NEK11: variants seen among roughly 807,000 people sequenced by gnomAD.
NEK11 encodes serine/threonine-protein kinase Nek11.
A neutral mutation model predicts 80.7 loss-of-function variants in NEK11; 72 were observed. The ratio of observed to expected loss-of-function variants is 0.89; its 90% CI spans 0.74 to 1.08. NEK11 has a LOEUF of 1.08. NEK11 is among the 50% of genes least tolerant of loss of function. The probability of loss-of-function intolerance (pLI) is 0.00; values close to 1 mark genes in which losing one functional copy is unlikely to be tolerated. For missense variants in NEK11, 764 were observed against 763.6 expected (o/e 1.00, Z -0.01); for synonymous variants, 251 against 260.7 (o/e 0.96, Z 0.36).
chr3:131,246,392 A>C (rs768281620), intron 16 of NEK11, among the ~76,000 whole-genome samples: 1 of 152,146 alleles, frequency 6.6e-6, no homozygotes, highest in Non-Finnish European at 1.5e-5. Flanking sequence ...TTACAATAAC[A>C]GTCTCCATTT....
intron 14 of NEK11, among the ~76,000 whole-genome samples, chr3:131,204,915 A>G (rs1254149491): frequency 6.6e-6 from 1 of 152,114 alleles, no homozygotes; most frequent in Non-Finnish European, 1.5e-5. Context: ...GAACCTTGTG[A>G]CTTCAAGATT....
intron 16 of NEK11, among the ~76,000 whole-genome samples, chr3:131,266,346 A>G (rs2217244): frequency 0.14 from 20,860 of 152,024 alleles, 2,168 homozygotes; most frequent in East Asian, 0.3. Context: ...TGGGCATTTC[A>G]TGCTATAAAT....
chr3:131,278,978 AC>A (rs1159034353), intron 17 of NEK11, among the ~76,000 whole-genome samples: 2 of 152,232 alleles, frequency 1.3e-5, no homozygotes, highest in African/African-American at 4.8e-5. Context: ...GACATTTGTT[AC>A]CAGAATGTGA....
At chr3:131,073,202 AT>A (rs1236942339) in intron 3 of NEK11, among the ~76,000 whole-genome samples, 2 of 152,156 alleles carry the variant, frequency 1.3e-5, no homozygotes, top group African/African-American at 4.8e-5. Flanking sequence ...TATTTTGCTT[AT>A]TTATACAGAT....
At position 131,296,708 on chromosome 3, in the gene NEK11, C is replaced by T. The variant is rs953458683; in HGVS notation, c.1718+23134C>T. Among the ~76,000 whole-genome samples, 30 of 152,012 alleles carry T rather than the reference C, an allele frequency of 2.0e-4. No individual in the cohort carries two copies. The East Asian group carries it at 4.3e-3, about 22-fold the overall frequency. On this transcript the variant is annotated intron_variant, in intron 17 of 17. Transcript: ENST00000383366. ...TAAGTTTTAGGGTACATGTGCACAA[C>T]GTGCAGGTTAGTTACATATGTGTAC...
intron 4 of NEK11, among the ~76,000 whole-genome samples, chr3:131,102,557 A>G (rs2078545571): frequency 6.6e-6 from 1 of 152,146 alleles, no homozygotes; most frequent in South Asian, 2.1e-4. Context: ...TGCTAGCCTG[A>G]TGGGTTTCCC....
intron 15 of NEK11, among the ~76,000 whole-genome samples, chr3:131,231,194 ATTTTCTTTT>A (rs1482914152): frequency 8.3e-5 from 11 of 132,148 alleles, no homozygotes; most frequent in Admixed American, 3.6e-4. Context: ...TCTTATTCCT[ATTTTCTTTT>A]TTTTCTTTTT....
At chr3:131,229,943 C>T (rs75047435) in intron 15 of NEK11, among the ~76,000 whole-genome samples, 5,127 of 152,042 alleles carry the variant, frequency 0.034, 261 homozygotes, top group African/African-American at 0.11. Context: ...TTTTTTCCAA[C>T]GGAATCTGGA....
At chr3:131,231,268 C>G (rs934704134) in intron 15 of NEK11, among the ~76,000 whole-genome samples, 6 of 149,638 alleles carry the variant, frequency 4.0e-5, no homozygotes, top group Non-Finnish European at 8.9e-5. Context: ...GTGGCATGAT[C>G]TCTGCTCACT....
intron 16 of NEK11, among the ~76,000 whole-genome samples, chr3:131,265,442 C>T (rs988618352): frequency 4.6e-5 from 7 of 152,152 alleles, no homozygotes; most frequent in Admixed American, 2.6e-4. Flanking sequence ...TGAATTTTGT[C>T]GAAGGCCTTT....
chr3:131,131,032 C>G (rs547172848), intron 5 of NEK11, among the ~76,000 whole-genome samples: 1 of 152,174 alleles, frequency 6.6e-6, no homozygotes, highest in African/African-American at 2.4e-5. Flanking sequence ...GAACTCCTGA[C>G]CCCAGGTGAT....
At chr3:131,195,755 T>C (rs2093979366) in intron 14 of NEK11, among the ~76,000 whole-genome samples, 1 of 146,404 alleles carries the variant, frequency 6.8e-6, no homozygotes, top group South Asian at 2.1e-4. Flanking sequence ...GTACATATAA[T>C]GTCTACAAAT....
Position 131,287,493 on chromosome 3 carries a change from C to T in NEK11, c.1718+13919C>T, listed in dbSNP as rs1371754581. ...TTCGCCATGTTGGCCAGGCTGGTCT[C>T]GAACTCCTGACCTCAGGTGATCCAC... On this transcript the variant is annotated intron_variant, in intron 17 of 17. Transcript: ENST00000383366. Among the ~76,000 whole-genome samples, 4 of 152,226 alleles carry T rather than the reference C, an allele frequency of 2.6e-5. No homozygotes were observed. The South Asian group carries it at 8.3e-4, about 32-fold the overall frequency.
chr3:131,319,605 A>C (rs1362726386), intron 17 of NEK11, among the ~76,000 whole-genome samples: 2 of 152,200 alleles, frequency 1.3e-5, no homozygotes, highest in Non-Finnish European at 2.9e-5. Flanking sequence ...TAGGGGAAAT[A>C]TCTTCTCTTC....
intron 14 of NEK11, among the ~76,000 whole-genome samples, chr3:131,191,325 C>T (rs1469514069): frequency 2.6e-5 from 4 of 152,164 alleles, no homozygotes; most frequent in Admixed American, 2.0e-4. Context: ...TGCATTCCTT[C>T]TGGAGGCTCT....
At chr3:131,342,561 T>C (rs1022730193) in intron 17 of NEK11, among the ~76,000 whole-genome samples, 9 of 152,008 alleles carry the variant, frequency 5.9e-5, no homozygotes, top group Non-Finnish European at 1.0e-4. Context: ...TTTTTTTTTT[T>C]TTCAAATTCA....
intron 7 of NEK11, among the ~76,000 whole-genome samples, chr3:131,134,637 G>C (rs9851574): frequency 0.44 from 66,365 of 151,996 alleles, 16,908 homozygotes; most frequent in Middle Eastern, 0.66. Context: ...CTGACCTCAT[G>C]ATCTGCCTGC....
chr3:131,036,250 C>G (rs2065630606), intron 3 of NEK11, among the ~76,000 whole-genome samples: 1 of 152,174 alleles, frequency 6.6e-6, no homozygotes, highest in African/African-American at 2.4e-5. Context: ...AGTGAAAAAA[C>G]CCACATATTC....
chr3:131,170,717 G>T, intron 13 of NEK11, 56 bp from the exon 14 acceptor site: 6 of 1,010,252 alleles, frequency 5.9e-6, no homozygotes, highest in Middle Eastern at 4.1e-4. Context: ...TTTCATTTGT[G>T]GTAGTGCTGT....
Sources: allele counts gnomAD v4.1 joint callset (sites outside exome capture counted in the v4.1 genomes callset), GRCh38; gene constraint gnomAD v4.1.1; transcripts MANE v1.5; gene names NCBI Gene and HGNC (gene_info 2026-07-23, HGNC 2026-07-21).